SSBP2: variants seen among roughly 807,000 people sequenced by gnomAD.
The protein encoded by SSBP2 is single-stranded DNA-binding protein 2.
Under a neutral mutation model 61.8 loss-of-function variants are expected in SSBP2, and 17 were observed. The observed-to-expected ratio is 0.28, with a 90% confidence interval of 0.19 to 0.41. The LOEUF (loss-of-function observed/expected upper bound fraction) is 0.41. SSBP2 is among the 10% of genes least tolerant of loss of function. The pLI is 1.00. For missense variants in SSBP2, 310 were observed against 458.7 expected, an observed-to-expected ratio of 0.68 and a Z score of 2.96; for synonymous variants, 139 against 141.3, an observed-to-expected ratio of 0.98 and a Z score of 0.12.
intron 4 of SSBP2, among the ~76,000 whole-genome samples, chr5:81,538,002 T>C (rs1770945844): frequency 6.6e-6 from 1 of 152,032 alleles, no homozygotes; most frequent in Non-Finnish European, 1.5e-5. Context: ...GTGTTTCAAG[T>C]AAAAGGAAAA....
intron 4 of SSBP2, among the ~76,000 whole-genome samples, chr5:81,546,942 TA>T (rs35073584): frequency 0.47 from 69,788 of 148,040 alleles, 20,739 homozygotes; most frequent in African/African-American, 0.86. Context: ...AGAATTCTCT[TA>T]AGAATACACG....
rs148437060 is a variant in SSBP2 at position 81,481,280 on chromosome 5, G to T, written c.433-6718C>A. On this transcript the variant is annotated intron_variant, in intron 6 of 16. Coordinates refer to ENST00000320672, the MANE Select transcript of SSBP2 (RefSeq NM_012446.5). ...AATGTACTTCCCCAGATTCATCAGA[G>T]AAATCACTACAGATGGCAGCTACAG... 9.9e-5 allele frequency among the ~76,000 whole-genome samples: 15 copies of T among 152,272 alleles called. No individual in the cohort carries two copies. The East Asian group carries it at 2.9e-3, about 29-fold the overall frequency.
chr5:81,656,183 C>G (rs1750193822), intron 1 of SSBP2, among the ~76,000 whole-genome samples: 1 of 152,052 alleles, frequency 6.6e-6, no homozygotes, highest in Non-Finnish European at 1.5e-5. Flanking sequence ...TCCGGAGTAG[C>G]TGGGACTACA....
intron 4 of SSBP2, among the ~76,000 whole-genome samples, chr5:81,518,752 A>T (rs1463655344): frequency 6.6e-6 from 1 of 152,152 alleles, no homozygotes; most frequent in South Asian, 2.1e-4. Context: ...TTGAGGACAT[A>T]TTATTTATCA....
At chr5:81,681,906 T>C (rs1272117412) in intron 1 of SSBP2, among the ~76,000 whole-genome samples, 1 of 152,120 alleles carries the variant, frequency 6.6e-6, no homozygotes, top group Non-Finnish European at 1.5e-5. Flanking sequence ...CCCATGGATA[T>C]TAAAAGAATA....
At chr5:81,670,926 A>G (rs1030482552) in intron 1 of SSBP2, among the ~76,000 whole-genome samples, 6 of 152,190 alleles carry the variant, frequency 3.9e-5, no homozygotes, top group African/African-American at 1.4e-4. Context: ...ATGCACATTA[A>G]TATTCACCAT....
At chr5:81,550,263 A>T (rs768861700) in intron 4 of SSBP2, among the ~76,000 whole-genome samples, 1 of 152,154 alleles carries the variant, frequency 6.6e-6, no homozygotes, top group African/African-American at 2.4e-5. Context: ...TATTTAACAT[A>T]ATCAAGTTTT....
chr5:81,467,896 C>G (rs1765001568), intron 8 of SSBP2, among the ~76,000 whole-genome samples: 1 of 151,884 alleles, frequency 6.6e-6, no homozygotes, highest in Non-Finnish European at 1.5e-5. Flanking sequence ...CTATAGCACT[C>G]TTTTCAATAA....
At chr5:81,675,447 T>A (rs1372968396) in intron 1 of SSBP2, among the ~76,000 whole-genome samples, 1 of 152,166 alleles carries the variant, frequency 6.6e-6, no homozygotes, top group Non-Finnish European at 1.5e-5. Context: ...TCAGCCTCCA[T>A]CTTGGGCTAC....
At chr5:81,733,697 C>T (rs946967432) in intron 1 of SSBP2, among the ~76,000 whole-genome samples, 1 of 152,076 alleles carries the variant, frequency 6.6e-6, no homozygotes, top group African/African-American at 2.4e-5. Context: ...TTCTATATAA[C>T]TCACCTTGAT....
intron 4 of SSBP2, among the ~76,000 whole-genome samples, chr5:81,564,920 A>T (rs577198506): frequency 3.3e-5 from 5 of 152,234 alleles, no homozygotes. Flanking sequence ...ACAACTTTGT[A>T]TCTTTCCACT....
At chr5:81,507,678 G>A (rs1768284808) in intron 5 of SSBP2, among the ~76,000 whole-genome samples, 1 of 151,970 alleles carries the variant, frequency 6.6e-6, no homozygotes, top group South Asian at 2.1e-4. Context: ...CTTTCTTGTG[G>A]TAAAGAACAT....
intron 1 of SSBP2, among the ~76,000 whole-genome samples, chr5:81,749,392 A>T (rs1278517619): frequency 1.3e-5 from 2 of 152,190 alleles, no homozygotes; most frequent in Non-Finnish European, 2.9e-5. Flanking sequence ...CAACACAAAG[A>T]TTAGGAAATG....
chr5:81,685,885 AT>A (rs1752735134), intron 1 of SSBP2, among the ~76,000 whole-genome samples: 1 of 152,238 alleles, frequency 6.6e-6, no homozygotes, highest in African/African-American at 2.4e-5. Context: ...CACAAAGAAT[AT>A]CATTATTTGC....
At position 81,578,519 on chromosome 5, in the gene SSBP2, C is replaced by G. The variant is rs115654357; in HGVS notation, c.282+36954G>C. Among the ~76,000 whole-genome samples, 1,287 of 150,180 alleles carry G rather than the reference C, an allele frequency of 8.6e-3. 28 individuals are homozygous for G. The highest frequency in any genetic ancestry group is 0.03 in the African/African-American group (1,229 of 40,870). On this transcript the variant is annotated intron_variant, in intron 4 of 16. Coordinates refer to ENST00000320672, the MANE Select transcript of SSBP2 (RefSeq NM_012446.5). Reference sequence around the variant, plus strand: ...ATTTAACAAGAACAGGGAAAAGGGCCAAAGATTTTTAAAAAGTATCAAAGG... The same window carrying G: ...ATTTAACAAGAACAGGGAAAAGGGCGAAAGATTTTTAAAAAGTATCAAAGG...
At chr5:81,429,675 A>G (rs1762168514) in intron 15 of SSBP2, among the ~76,000 whole-genome samples, 1 of 151,848 alleles carries the variant, frequency 6.6e-6, no homozygotes, top group Non-Finnish European at 1.5e-5. Context: ...TCCTATTTAC[A>G]TTGTTTTGGA....
chr5:81,627,990 G>A (rs535145973), intron 3 of SSBP2, among the ~76,000 whole-genome samples: 5 of 152,118 alleles, frequency 3.3e-5, no homozygotes, highest in East Asian at 3.9e-4. Context: ...ACTTAAGCCC[G>A]GGAGATGGAG....
chr5:81,541,225 T>C (rs938757733), intron 4 of SSBP2, among the ~76,000 whole-genome samples: 2 of 152,014 alleles, frequency 1.3e-5, no homozygotes, highest in African/African-American at 4.8e-5. Flanking sequence ...AGTTGAAAGA[T>C]CTCTACAAGG....
chr5:81,513,812 T>C, intron 4 of SSBP2, 95 bp from the exon 5 acceptor site: 1 of 736,264 alleles, frequency 1.4e-6, no homozygotes. Flanking sequence ...GGATGCTCTT[T>C]CATGCCTGGG....
Sources: allele counts gnomAD v4.1 joint callset (sites outside exome capture counted in the v4.1 genomes callset), GRCh38; gene constraint gnomAD v4.1.1; transcripts MANE v1.5; gene names NCBI Gene and HGNC (gene_info 2026-07-23, HGNC 2026-07-21).